The following TNS3 variants were observed in gnomAD, a reference collection of about 807,000 sequenced individuals.
TNS3 encodes tensin 3, also known as tensin-3.
Under a neutral mutation model 140.9 loss-of-function variants are expected in TNS3, and 45 were observed. The ratio of observed to expected loss-of-function variants is 0.32; its 90% CI spans 0.25 to 0.41. TNS3 has a LOEUF of 0.41. Among genes scored for constraint, TNS3 ranks in the 10% least tolerant of loss-of-function variants. The pLI, the probability that TNS3 is intolerant of heterozygous loss-of-function variation, is 1.00. For synonymous variants in TNS3, 815 were observed against 788.4 expected, an observed-to-expected ratio of 1.03 and a Z score of -0.56; for missense variants, 1,716 against 1,906.7, an observed-to-expected ratio of 0.90 and a Z score of 1.86.
intron 16 of TNS3, among the ~76,000 whole-genome samples, chr7:47,383,514 A>G (rs1282781137): frequency 2.0e-5 from 3 of 152,220 alleles, no homozygotes; most frequent in African/African-American, 7.2e-5. Context: ...AATGCATCGT[A>G]TACTTTAAAA....
intron 20 of TNS3, among the ~76,000 whole-genome samples, chr7:47,320,223 G>A (rs1787653611): frequency 6.6e-6 from 1 of 152,146 alleles, no homozygotes; most frequent in South Asian, 2.1e-4. Flanking sequence ...ATACCTGTGA[G>A]GAGGCCGAGG....
At chr7:47,367,282 G>A (rs529217839) in intron 17 of TNS3, among the ~76,000 whole-genome samples, 12 of 152,252 alleles carry the variant, frequency 7.9e-5, no homozygotes, top group South Asian at 6.2e-4. Flanking sequence ...ACCCTGCTCC[G>A]TCCCAATGCC....
intron 17 of TNS3, among the ~76,000 whole-genome samples, chr7:47,353,286 C>T (rs1029876387): frequency 9.9e-5 from 15 of 152,142 alleles, no homozygotes; most frequent in African/African-American, 3.6e-4. Context: ...TCGGTGAGCT[C>T]TGAAGGGGTG....
chr7:47,526,462 C>T (rs954161467), intron 2 of TNS3, among the ~76,000 whole-genome samples: 4 of 152,218 alleles, frequency 2.6e-5, no homozygotes, highest in African/African-American at 9.6e-5. Flanking sequence ...AGTACCACAA[C>T]GCTGGCTGTG....
chr7:47,566,768 G>A (rs925221105), intron 1 of TNS3, among the ~76,000 whole-genome samples: 5 of 152,172 alleles, frequency 3.3e-5, no homozygotes, highest in African/African-American at 9.6e-5. Flanking sequence ...GGCCGGGCAC[G>A]GTAACTCATG....
At position 47,279,972 on chromosome 7, in the gene TNS3, C is replaced by T. The variant is rs114443210; in HGVS notation, c.4193+192G>A. On this transcript the variant is annotated intron_variant, in intron 30 of 30. Transcript: ENST00000311160. Reference sequence around the variant, plus strand: ...AAATATTGCACATCCAGCCAACAGCCGGCAGAAAAGTTAACAGCATCCAGA... The same window carrying T: ...AAATATTGCACATCCAGCCAACAGCTGGCAGAAAAGTTAACAGCATCCAGA... 1,464 of 661,570 alleles carry T rather than the reference C, an allele frequency of 2.2e-3. 21 individuals are homozygous for T. In the African/African-American group the frequency reaches 0.024, roughly 11 times the overall value. The allele number at this position is 661,570 out of a possible 1,614,324, so 41.0% of individuals were successfully genotyped here.
At chr7:47,321,226 C>T (rs1260643337) in intron 20 of TNS3, among the ~76,000 whole-genome samples, 4 of 152,198 alleles carry the variant, frequency 2.6e-5, no homozygotes, top group Non-Finnish European at 4.4e-5. Context: ...CTAAGGTTTC[C>T]GATTCATACC....
Position 47,525,688 on chromosome 7 carries a change from G to GCATGCACGCATGCACACA in TNS3, c.-153+3330_-153+3347dup, listed in dbSNP as rs569892905. ...CTCAAGCAAATGCATTCACTCAGAC[G>GCATGCACGCATGCACACA]CATGCACGCATGCACACACATGCAA... On this transcript the variant is annotated intron_variant, in intron 2 of 30. Coordinates refer to ENST00000311160, the MANE Select transcript of TNS3 (RefSeq NM_022748.12). 2.4e-3 allele frequency among the ~76,000 whole-genome samples: 363 copies of GCATGCACGCATGCACACA among 152,292 alleles called. 1 individual carries two copies. The highest frequency in any genetic ancestry group is 3.4e-3 in the Non-Finnish European group (228 of 68,032).
At chr7:47,580,474 T>C (rs1784499466) in intron 1 of TNS3, among the ~76,000 whole-genome samples, 1 of 152,290 alleles carries the variant, frequency 6.6e-6, no homozygotes, top group South Asian at 2.1e-4. Flanking sequence ...TCGGGCTTGC[T>C]GCCAGTTCCT....
chr7:47,314,068 T>G (rs1787256137), intron 20 of TNS3, among the ~76,000 whole-genome samples: 1 of 152,248 alleles, frequency 6.6e-6, no homozygotes, highest in African/African-American at 2.4e-5. Flanking sequence ...GGTCTTTGCC[T>G]GTGCTCAGAG....
intron 13 of TNS3, among the ~76,000 whole-genome samples, chr7:47,401,811 CA>C (rs1793182184): frequency 6.6e-6 from 1 of 152,224 alleles, no homozygotes; most frequent in African/African-American, 2.4e-5. Context: ...ACTCAGAGAT[CA>C]GGGGCAGGAC....
chr7:47,550,546 T>G (rs1800034077), intron 1 of TNS3, among the ~76,000 whole-genome samples: 1 of 152,130 alleles, frequency 6.6e-6, no homozygotes, highest in African/African-American at 2.4e-5. Flanking sequence ...AAAGACACAT[T>G]TGCAGCAGGG....
At chr7:47,540,527 G>C (rs556554795) in intron 1 of TNS3, among the ~76,000 whole-genome samples, 5 of 152,136 alleles carry the variant, frequency 3.3e-5, no homozygotes, top group African/African-American at 1.2e-4. Context: ...TCCCTCACAC[G>C]ATCATGCATT....
At position 47,400,436 on chromosome 7, in the gene TNS3, C is replaced by T; in HGVS notation, c.876G>A (p.Gly292=). 6.2e-7 allele frequency: 1 copy of T among 1,614,138 alleles called. No individual in the cohort carries two copies. Among genetic ancestry groups the T allele is most frequent in the Non-Finnish European group, 8.5e-7 (1 of 1,180,024 alleles). ...ASKDDRFPDY[G]KVELVFSATP... Reference sequence around the variant, plus strand: ...TGGCAGAGAAGACTAATTCAACCTTCCCATAGTCAGGAAAACGGTCATCTG... The same window carrying T: ...TGGCAGAGAAGACTAATTCAACCTTTCCATAGTCAGGAAAACGGTCATCTG... Residue 292 remains glycine (G), a synonymous_variant, in exon 15 of 31, where the codon GGG becomes GGA. Transcript: ENST00000311160.
At chr7:47,512,901 A>G (rs1035569099) in intron 2 of TNS3, among the ~76,000 whole-genome samples, 5 of 152,256 alleles carry the variant, frequency 3.3e-5, no homozygotes, top group African/African-American at 1.2e-4. Context: ...AGTATGAACT[A>G]AATGAAAAGA....
intron 20 of TNS3, among the ~76,000 whole-genome samples, chr7:47,339,022 A>G (rs1788791387): frequency 1.3e-5 from 2 of 151,972 alleles, no homozygotes; most frequent in Non-Finnish European, 2.9e-5. Flanking sequence ...CGACTTTTTA[A>G]TAATAGTTTG....
chr7:47,406,868 G>A (rs865867889), intron 13 of TNS3, among the ~76,000 whole-genome samples: 2 of 152,280 alleles, frequency 1.3e-5, no homozygotes, highest in East Asian at 3.9e-4. Context: ...CGCAGGCACA[G>A]GGAAAAACTG....
intron 9 of TNS3, among the ~76,000 whole-genome samples, chr7:47,427,960 G>A (rs1794743354): frequency 1.3e-5 from 2 of 152,186 alleles, no homozygotes; most frequent in South Asian, 4.1e-4. Context: ...CTGATTTAGT[G>A]AGACCACTCT....
chr7:47,347,843 C>T (rs67513472), intron 17 of TNS3, among the ~76,000 whole-genome samples: 17,005 of 152,134 alleles, frequency 0.11, 1,015 homozygotes, highest in East Asian at 0.17. Context: ...ATCCTCAGCC[C>T]CCATTTCTTT....
Sources: allele counts gnomAD v4.1 joint callset (sites outside exome capture counted in the v4.1 genomes callset), GRCh38; gene constraint gnomAD v4.1.1; transcripts MANE v1.5; gene names NCBI Gene and HGNC (gene_info 2026-07-23, HGNC 2026-07-21).